Variants in CACNG3 observed in about 807,000 individuals in gnomAD.
CACNG3 encodes the protein voltage-dependent calcium channel gamma-3 subunit.
Under a neutral mutation model 28.5 loss-of-function variants are expected in CACNG3, and 3 were observed. The ratio of observed to expected loss-of-function variants is 0.11; its 90% CI spans 0.05 to 0.27. CACNG3 has a LOEUF of 0.27. Ranked by LOEUF, CACNG3 falls within the 10% of genes least tolerant of loss-of-function variation. The pLI, the probability that CACNG3 is intolerant of heterozygous loss-of-function variation, is 1.00. For missense variants in CACNG3, 236 were observed against 414.4 expected, an observed-to-expected ratio of 0.57 and a Z score of 3.74; for synonymous variants, 174 against 162.2, an observed-to-expected ratio of 1.07 and a Z score of -0.55.
At chr16:24,261,310 G>T (rs984758754) in intron 1 of CACNG3, among the ~76,000 whole-genome samples, 1 of 152,188 alleles carries the variant, frequency 6.6e-6, no homozygotes, top group African/African-American at 2.4e-5. Flanking sequence ...GAGTGGTGAG[G>T]ACTGTGGCAA....
chr16:24,303,647 C>T (rs1596634799), intron 1 of CACNG3, among the ~76,000 whole-genome samples: 1 of 151,544 alleles, frequency 6.6e-6, no homozygotes, highest in Non-Finnish European at 1.5e-5. Context: ...TGGTTGGTTT[C>T]CTTCACCAGA....
intron 1 of CACNG3, among the ~76,000 whole-genome samples, chr16:24,317,622 GAAAGACAGACAGAAAGAAAGAAAAGA>G (rs1567217508): frequency 5.5e-4 from 32 of 57,938 alleles, no homozygotes; most frequent in Admixed American, 3.2e-3. Context: ...AAGAAAGAAA[GAAAGACAGACAGAAAGAAAGAAAAGA>G]AAAGAAAGAA....
In CACNG3 at chr16:24,361,627, C is replaced by A. The variant is rs1900102685; in HGVS notation, c.712C>A (p.Arg238Ser). The A allele has an allele frequency of 6.2e-7, 1 of 1,613,562 alleles. No homozygotes were observed. Among genetic ancestry groups the A allele is most frequent in the Admixed American group, 1.7e-5 (1 of 59,944 alleles). ...RYRFRRRSSS[R>S]STEPRSRDLS... is the part of the protein sequence containing the mutation. ...TCGATTCCGGAGGCGGTCAAGTTCT[C>A]GCTCCACCGAGCCCAGATCCCGAGA... Residue 238 changes from arginine to serine, a missense_variant, in exon 4 of 4, where the codon CGC (arginine) becomes AGC (serine). This residue lies in a region of CACNG3 where 116 missense variants were observed against 151.0 expected (regional missense o/e 0.77). Transcript: ENST00000005284. The surrounding 1 kb of genome is among the most constrained non-coding windows in gnomAD (Gnocchi z 6.8).
chr16:24,303,728 G>A (rs1289168895), intron 1 of CACNG3, among the ~76,000 whole-genome samples: 2 of 152,078 alleles, frequency 1.3e-5, no homozygotes, highest in African/African-American at 2.4e-5. Flanking sequence ...GACCAGCCTG[G>A]GCAATGTGGC....
intron 1 of CACNG3, among the ~76,000 whole-genome samples, chr16:24,309,494 G>A (rs140594807): frequency 0.012 from 1,830 of 152,326 alleles, 108 homozygotes; most frequent in Admixed American, 0.089. Context: ...CTCCTGGCGG[G>A]CTGCCACATG....
intron 1 of CACNG3, among the ~76,000 whole-genome samples, chr16:24,302,504 G>A (rs1899126469): frequency 6.6e-6 from 1 of 151,904 alleles, no homozygotes; most frequent in Non-Finnish European, 1.5e-5. Context: ...GCCCATGCTG[G>A]AGTGCAGTGG....
Position 24,317,642 on chromosome 16 carries a change from G to A in CACNG3, c.212-29092G>A, listed in dbSNP as rs28744432. Among the ~76,000 whole-genome samples the A allele has an allele frequency of 1.3e-3, 45 of 33,786 alleles. 3 individuals carry two copies. Among genetic ancestry groups the A allele is most frequent in the African/African-American group, 1.9e-3 (16 of 8,548 alleles). The allele number at this position is 33,786 out of a possible 152,430, so 22.2% of individuals were successfully genotyped here. On this transcript the variant is annotated intron_variant, in intron 1 of 3. Transcript: ENST00000005284. ...AGAAAGAAAGACAGACAGAAAGAAA[G>A]AAAAGAAAAGAAAGAAAGAAAGAAA...
intron 1 of CACNG3, among the ~76,000 whole-genome samples, chr16:24,291,603 G>A (rs1027185579): frequency 5.3e-5 from 8 of 152,140 alleles, no homozygotes; most frequent in Non-Finnish European, 1.2e-4. Flanking sequence ...CAGTTATTGT[G>A]GGTTGAGTTA....
At chr16:24,329,837 C>A (rs1899608839) in intron 1 of CACNG3, among the ~76,000 whole-genome samples, 1 of 152,088 alleles carries the variant, frequency 6.6e-6, no homozygotes, top group African/African-American at 2.4e-5. Context: ...GAGTTTGAGA[C>A]CAGCCTGGCC....
rs565762081 is a variant in CACNG3 at position 24,342,051 on chromosome 16, T to C, written c.212-4683T>C. Among the ~76,000 whole-genome samples, 9 of 152,308 alleles carry C rather than the reference T, an allele frequency of 5.9e-5. No individual in the cohort carries two copies. The South Asian group carries it at 6.2e-4, about 11-fold the overall frequency. ...GGGAGGCTGCAGCAGGCGGATCACC[T>C]GAGGTCAGGAGTTCAAGACCAGCCT... On this transcript the variant is annotated intron_variant, in intron 1 of 3. Transcript: ENST00000005284.
chr16:24,282,287 G>A (rs1898839629), intron 1 of CACNG3, among the ~76,000 whole-genome samples: 1 of 152,164 alleles, frequency 6.6e-6, no homozygotes, highest in Non-Finnish European at 1.5e-5. Flanking sequence ...ATGCAGTAAT[G>A]TAGCTTGAGC....
intron 1 of CACNG3, among the ~76,000 whole-genome samples, chr16:24,293,080 T>C (rs1268872465): frequency 1.3e-5 from 2 of 152,210 alleles, no homozygotes; most frequent in Non-Finnish European, 2.9e-5. Context: ...ACATGATCAT[T>C]CAGATCTCAG....
At chr16:24,345,398 A>G (rs931765574) in intron 1 of CACNG3, among the ~76,000 whole-genome samples, 1 of 152,140 alleles carries the variant, frequency 6.6e-6, no homozygotes, top group African/African-American at 2.4e-5. Context: ...ACCCAAAATG[A>G]TGATTAAACA....
At chr16:24,327,923 G>A (rs1190669988) in intron 1 of CACNG3, among the ~76,000 whole-genome samples, 3 of 152,126 alleles carry the variant, frequency 2.0e-5, no homozygotes, top group African/African-American at 7.2e-5. Context: ...GAGTGTCACA[G>A]AAAGACCTTG....
At chr16:24,257,490 T>G (rs1056600236) in intron 1 of CACNG3, among the ~76,000 whole-genome samples, 9 of 150,426 alleles carry the variant, frequency 6.0e-5, no homozygotes, top group Non-Finnish European at 1.2e-4. Flanking sequence ...ACTTATCAGT[T>G]TCTCCTGAGT....
At position 24,354,903 on chromosome 16, in the gene CACNG3, G is replaced by A. The variant is rs1302084805; in HGVS notation, c.366G>A (p.Val122=). Residue 122 remains valine, a synonymous_variant, in exon 3 of 4, where the codon GTG becomes GTA. Coordinates refer to ENST00000005284, the MANE Select transcript of CACNG3 (RefSeq NM_006539.4). ...VTLLFFGGLC[V]AASEFHRSRH... is the part of the protein sequence containing the mutation. ...TGCTGTTCTTCGGCGGGCTCTGCGT[G>A]GCAGCCAGTGAGTTCCACCGCAGCA... The A allele has an allele frequency of 6.2e-7, 1 of 1,612,450 alleles. No individual in the cohort carries two copies. The highest frequency in any genetic ancestry group is 1.7e-5 in the Admixed American group (1 of 60,032).
intron 1 of CACNG3, among the ~76,000 whole-genome samples, chr16:24,331,269 C>T (rs1038855283): frequency 1.3e-5 from 2 of 152,202 alleles, no homozygotes; most frequent in African/African-American, 4.8e-5. Context: ...CTCCCAAACA[C>T]ATTCAATGGG....
intron 1 of CACNG3, among the ~76,000 whole-genome samples, chr16:24,273,916 T>G (rs1010165528): frequency 2.0e-5 from 3 of 152,138 alleles, no homozygotes; most frequent in African/African-American, 4.8e-5. Context: ...GGAAACACTT[T>G]TCTGGAAAAA....
intron 1 of CACNG3, among the ~76,000 whole-genome samples, chr16:24,338,412 C>T (rs763762704): frequency 1.6e-4 from 25 of 152,188 alleles, no homozygotes; most frequent in African/African-American, 5.5e-4. Context: ...GGCAAGATCT[C>T]GGCTCACTGC....
Sources: gnomAD v4.1 joint callset for allele counts (sites outside exome capture counted in the v4.1 genomes callset) on GRCh38, gnomAD v4.1.1 for gene constraint, gnomAD v4.1.1 regional missense constraint, Gnocchi (gnomAD v3.1) non-coding constraint, MANE v1.5 for transcripts, NCBI Gene and HGNC (gene_info 2026-07-23, HGNC 2026-07-21) for gene names.